ERI1: variants seen among roughly 807,000 people sequenced by gnomAD.
The protein encoded by ERI1 is 3'-5' exoribonuclease 1.
A neutral mutation model predicts 39.7 loss-of-function variants in ERI1; 39 were observed. The observed-to-expected ratio is 0.98, with a 90% CI of 0.76 to 1.28. ERI1 has a LOEUF of 1.28. Ranked by LOEUF, ERI1 falls within the 50% of genes most tolerant of loss-of-function variation. The pLI is 0.00. For missense variants in ERI1, 581 were observed against 416.9 expected (o/e 1.39, Z -3.43); for synonymous variants, 204 against 149.6 (o/e 1.36, Z -2.65).
intron 6 of ERI1, among the ~76,000 whole-genome samples, chr8:9,028,841 C>G (rs1797378277): frequency 6.6e-6 from 1 of 152,094 alleles, no homozygotes; most frequent in Admixed American, 6.6e-5. Context: ...CCAGGCTGGT[C>G]TTGAACTCCT....
At position 9,030,913 on chromosome 8, in the gene ERI1, G is replaced by T. The variant is rs531269275; in HGVS notation, c.*879G>T. 1.3e-5 allele frequency: 2 copies of T among 152,180 alleles called. No individual in the cohort carries two copies. The highest frequency in any genetic ancestry group is 2.1e-4 in the South Asian group (1 of 4,830). 9.4% of individuals were successfully genotyped at this position (152,180 alleles called of 1,614,324 possible). A position where few individuals can be genotyped will look rare whatever the true frequency, so the allele number is the denominator to read the frequency against. ...GTCAATACTTTCTACCATATATTAC[G>T]TTTTTGTTATTAAAAAACTTCATTG... On this transcript the variant is annotated 3_prime_UTR_variant, in exon 7 of 7. Transcript: ENST00000250263.
At chr8:9,040,542 ATTACC>A (rs1797983876) in intron 3 of ERI1, among the ~76,000 whole-genome samples, 1 of 152,166 alleles carries the variant, frequency 6.6e-6, no homozygotes, top group South Asian at 2.1e-4. Context: ...AAAGCTCAGA[ATTACC>A]TTAAATTCCA....
intron 3 of ERI1, among the ~76,000 whole-genome samples, chr8:9,060,883 C>T (rs1196463746): frequency 1.3e-5 from 2 of 152,168 alleles, no homozygotes; most frequent in East Asian, 1.9e-4. Flanking sequence ...GGAAGTAAAG[C>T]GGCCTTAAGC....
intron 3 of ERI1, among the ~76,000 whole-genome samples, chr8:9,081,073 G>T (rs1038819546): frequency 3.3e-5 from 5 of 152,184 alleles, no homozygotes; most frequent in African/African-American, 7.2e-5. Flanking sequence ...GGGAAGCAAG[G>T]CACGTCTTAC....
intron 4 of ERI1, 85 bp downstream of exon 4, chr8:9,016,490 T>C: frequency 1.3e-6 from 1 of 749,346 alleles, no homozygotes; most frequent in Non-Finnish European, 2.1e-6. Flanking sequence ...AAAAAAATTA[T>C]TACTGTTGTG....
At chr8:9,080,602 A>G (rs1799338691) in intron 3 of ERI1, among the ~76,000 whole-genome samples, 2 of 152,220 alleles carry the variant, frequency 1.3e-5, no homozygotes, top group South Asian at 2.1e-4. Flanking sequence ...CACAAGGTTC[A>G]CGTTCACCCG....
At chr8:9,040,387 G>A (rs936011774) in intron 3 of ERI1, among the ~76,000 whole-genome samples, 4 of 152,198 alleles carry the variant, frequency 2.6e-5, no homozygotes, top group Non-Finnish European at 2.9e-5. Flanking sequence ...CGGGTGGTAG[G>A]AGGCTTCTGC....
At chr8:9,044,850 C>G (rs903245279) in intron 3 of ERI1, among the ~76,000 whole-genome samples, 1 of 152,108 alleles carries the variant, frequency 6.6e-6, no homozygotes, top group Non-Finnish European at 1.5e-5. Flanking sequence ...ACCTGCCACA[C>G]CTGCATCATC....
At chr8:9,041,752 TAGAC>T (rs1380552859) in intron 3 of ERI1, among the ~76,000 whole-genome samples, 1 of 152,234 alleles carries the variant, frequency 6.6e-6, no homozygotes, top group African/African-American at 2.4e-5. Flanking sequence ...TCTTTCTTTT[TAGAC>T]AGAGTTTCGC....
intron 3 of ERI1, among the ~76,000 whole-genome samples, chr8:9,082,464 G>A (rs986071613): frequency 6.6e-6 from 1 of 152,152 alleles, no homozygotes; most frequent in African/African-American, 2.4e-5. Context: ...AGTTAAGCTG[G>A]ATGAGAAGGT....
chr8:9,020,849 A>G (rs1817809426), intron 6 of ERI1, among the ~76,000 whole-genome samples: 1 of 152,250 alleles, frequency 6.6e-6, no homozygotes, highest in Non-Finnish European at 1.5e-5. Flanking sequence ...GTCTTCTGCC[A>G]TAGCCTTCAC....
intron 5 of ERI1, among the ~76,000 whole-genome samples, chr8:9,020,095 A>T (rs1393966572): frequency 1.3e-5 from 2 of 152,198 alleles, no homozygotes; most frequent in African/African-American, 4.8e-5. Context: ...CCTGCCCAGA[A>T]CCATGAAAAC....
chr8:9,006,467 A>T (rs1245306627), intron 1 of ERI1, among the ~76,000 whole-genome samples: 1 of 152,236 alleles, frequency 6.6e-6, no homozygotes, highest in African/African-American at 2.4e-5. Context: ...AAATTAACTG[A>T]GACATCTGTT....
intron 3 of ERI1, among the ~76,000 whole-genome samples, chr8:9,086,863 C>T (rs1285067519): frequency 6.6e-6 from 1 of 152,058 alleles, no homozygotes; most frequent in African/African-American, 2.4e-5. Context: ...TGTATGTTTT[C>T]CTGCAATGGA....
chr8:9,050,432 A>G (rs1798320055), intron 3 of ERI1, among the ~76,000 whole-genome samples: 1 of 151,574 alleles, frequency 6.6e-6, no homozygotes, highest in Non-Finnish European at 1.5e-5. Context: ...ACTTGAACCT[A>G]GGAAGTCGAT....
chr8:9,046,166 C>T (rs939016895), intron 3 of ERI1, among the ~76,000 whole-genome samples: 3 of 152,186 alleles, frequency 2.0e-5, no homozygotes, highest in Non-Finnish European at 4.4e-5. Flanking sequence ...CATCAGCCAT[C>T]GCCATTGGTC....
intron 6 of ERI1, among the ~76,000 whole-genome samples, chr8:9,027,928 G>GGT (rs1375510363): frequency 6.6e-6 from 1 of 152,050 alleles, no homozygotes; most frequent in East Asian, 1.9e-4. Flanking sequence ...AATCCTACTT[G>GGT]GTCATGGCAC....
Position 9,004,829 on chromosome 8 carries a change from A to G in ERI1, c.108+1658A>G, listed in dbSNP as rs28812315. Reference sequence around the variant, plus strand: ...CAGCCTCCCTAGTAGCTGGGATTACAGGAACCCACCACCACGCTTGGCTAG... The same window carrying G: ...CAGCCTCCCTAGTAGCTGGGATTACGGGAACCCACCACCACGCTTGGCTAG... On this transcript the variant is annotated intron_variant, in intron 1 of 6. Transcript: ENST00000250263. 2.4e-3 allele frequency among the ~76,000 whole-genome samples: 363 copies of G among 151,910 alleles called. 17 individuals carry two copies. In the South Asian group the frequency reaches 0.074, roughly 31 times the overall value.
At chr8:9,035,251 C>T (rs1299151896), downstream of ERI1, among the ~76,000 whole-genome samples, 1 of 152,158 alleles carries the variant, frequency 6.6e-6, no homozygotes, top group Non-Finnish European at 1.5e-5. Context: ...CCACACCATA[C>T]AACAGGTTTT....
Sources: allele counts gnomAD v4.1 joint callset (sites outside exome capture counted in the v4.1 genomes callset), GRCh38; gene constraint gnomAD v4.1.1; transcripts MANE v1.5; gene names NCBI Gene and HGNC (gene_info 2026-07-23, HGNC 2026-07-21).